Variants in TNNC2 observed in about 807,000 individuals in gnomAD.
TNNC2 encodes troponin C2, fast skeletal type.
A neutral mutation model predicts 20.0 loss-of-function variants in TNNC2; 14 were observed. That is an observed-to-expected ratio of 0.70 (90% confidence interval 0.46 to 1.09). The LOEUF (loss-of-function observed/expected upper bound fraction) is 1.09. TNNC2 is among the 50% of genes least tolerant of loss of function. TNNC2 has a pLI of 0.00. For synonymous variants in TNNC2, 81 were observed against 77.3 expected, an observed-to-expected ratio of 1.05 and a Z score of -0.25; for missense variants, 163 against 223.8, an observed-to-expected ratio of 0.73 and a Z score of 1.73.
chr20:45,833,152 A>AAGAAAGAAAGAAAGAGAGAGAG (rs765185051), intron 2 of TNNC2: 9 of 141,228 alleles, frequency 6.4e-5, no homozygotes, highest in Non-Finnish European at 1.0e-4. Context: ...TCAAAAGAGA[A>AAGAAAGAAAGAAAGAGAGAGAG]AGAAAGAAAG....
upstream of TNNC2, among the ~76,000 whole-genome samples, chr20:45,832,049 C>T (rs970122991): frequency 3.3e-5 from 5 of 152,166 alleles, no homozygotes; most frequent in African/African-American, 1.2e-4. Flanking sequence ...CAGTGGCTCA[C>T]GCCTGTAATC....
chr20:45,823,492 G>C lies in TNNC2; in HGVS notation c.452-113C>G. 1.8e-6 allele frequency: 2 copies of C among 1,091,724 alleles called. No homozygotes were observed. Among genetic ancestry groups the C allele is most frequent in the Non-Finnish European group, 2.6e-6 (2 of 763,436 alleles). 67.6% of individuals were successfully genotyped at this position (1,091,724 alleles called of 1,614,324 possible). A position where few individuals can be genotyped will look rare whatever the true frequency, so the allele number is the denominator to read the frequency against. ...TTTTGTTTTTGTTTTTGTTGAGACAGAGTCTCACTCTGTTGCCAAGGTCGC... is the reference window on the plus strand; with the variant it reads ...TTTTGTTTTTGTTTTTGTTGAGACACAGTCTCACTCTGTTGCCAAGGTCGC... On this transcript the variant is annotated intron_variant, in intron 5 of 5. Coordinates refer to ENST00000372555, the MANE Select transcript of TNNC2 (RefSeq NM_003279.3). The surrounding 1 kb of genome is among the most constrained non-coding windows in gnomAD (Gnocchi z 4.6).
upstream of TNNC2, among the ~76,000 whole-genome samples, chr20:45,831,904 AT>A: frequency 6.6e-6 from 1 of 152,348 alleles, no homozygotes; most frequent in Middle Eastern, 3.4e-3. Flanking sequence ...AGGACAAGTT[AT>A]TTTTTAACCA....
intron 1 of TNNC2, among the ~76,000 whole-genome samples, chr20:45,825,899 C>T (rs1309288950): frequency 3.3e-5 from 5 of 152,158 alleles, no homozygotes; most frequent in African/African-American, 7.2e-5. Context: ...GGATTACAGG[C>T]GTGAGCCACC....
chr20:45,826,632 C>CA (rs1982977927), intron 1 of TNNC2, among the ~76,000 whole-genome samples: 1 of 152,234 alleles, frequency 6.6e-6, no homozygotes, highest in Admixed American at 6.5e-5. Flanking sequence ...GCATGGGCAA[C>CA]AGCAGCTGGC....
upstream of TNNC2, among the ~76,000 whole-genome samples, chr20:45,830,258 C>A (rs546123724): frequency 6.7e-6 from 1 of 150,270 alleles, no homozygotes; most frequent in African/African-American, 2.5e-5. Flanking sequence ...ATCACTTGAA[C>A]CTGGCAGGCG....
chr20:45,827,887 G>T (rs1983013255), upstream of TNNC2, among the ~76,000 whole-genome samples: 1 of 152,186 alleles, frequency 6.6e-6, no homozygotes, highest in Non-Finnish European at 1.5e-5. Context: ...TTGAACCATG[G>T]TAAGGGGCAG....
In TNNC2 at chr20:45,823,679, G is replaced by T. The variant is rs1468581987; in HGVS notation, c.452-300C>A. 9.2e-5 allele frequency among the ~76,000 whole-genome samples: 14 copies of T among 151,994 alleles called. No homozygotes were observed. The highest frequency in any genetic ancestry group is 3.4e-4 in the African/African-American group (14 of 41,388). On this transcript the variant is annotated intron_variant, in intron 5 of 5. Coordinates refer to ENST00000372555, the MANE Select transcript of TNNC2 (RefSeq NM_003279.3). This position sits in a 1 kb window ranked among gnomAD's most constrained non-coding sequence, Gnocchi z 4.6. Reference sequence around the variant, plus strand: ...TTTATTTTATTTTATTTTTTGTAAAGACAGGGTCTCACTATGTTGCCCAGG... The same window carrying T: ...TTTATTTTATTTTATTTTTTGTAAATACAGGGTCTCACTATGTTGCCCAGG...
upstream of TNNC2, among the ~76,000 whole-genome samples, chr20:45,829,843 G>C (rs1285580178): frequency 6.6e-6 from 1 of 150,982 alleles, no homozygotes; most frequent in Non-Finnish European, 1.5e-5. Context: ...CTGACCTCAA[G>C]TGATCCGCCT....
chr20:45,823,319 C>G lies in TNNC2; in HGVS notation c.*29G>C. ...GAGTCTCCCACACCCTAGGGACACG[C>G]GATCTTGGTAGAGGCGACTGTCCAC... On this transcript the variant is annotated 3_prime_UTR_variant, in exon 6 of 6. Transcript: ENST00000372555. The surrounding 1 kb of genome is among the most constrained non-coding windows in gnomAD (Gnocchi z 4.6). 1 of 1,570,244 alleles carries G rather than the reference C, an allele frequency of 6.4e-7. No homozygotes were observed. The highest frequency in any genetic ancestry group is 8.6e-7 in the Non-Finnish European group (1 of 1,157,604).
chr20:45,831,708 A>G (rs1983112286), upstream of TNNC2, among the ~76,000 whole-genome samples: 1 of 152,190 alleles, frequency 6.6e-6, no homozygotes, highest in Non-Finnish European at 1.5e-5. Context: ...AGAATGCGCA[A>G]CCTTCAGATC....
chr20:45,824,755 AG>A, intron 2 of TNNC2, 27 bp downstream of exon 2: 1 of 1,272,494 alleles, frequency 7.9e-7, no homozygotes, highest in Non-Finnish European at 1.0e-6. Flanking sequence ...ACATCCACCC[AG>A]CCCCCAGCCT....
upstream of TNNC2, among the ~76,000 whole-genome samples, chr20:45,831,439 T>C (rs1983104371): frequency 6.6e-6 from 1 of 151,996 alleles, no homozygotes; most frequent in African/African-American, 2.4e-5. Context: ...TAGCCGGGTG[T>C]GGTGGCACAT....
upstream of TNNC2, among the ~76,000 whole-genome samples, chr20:45,829,657 G>A (rs1306028916): frequency 6.6e-6 from 1 of 151,780 alleles, no homozygotes; most frequent in African/African-American, 2.4e-5. Context: ...GTGGGCGCCT[G>A]TAGTCCCAGC....
chr20:45,826,005 A>ACCCCCC (rs111300154), intron 1 of TNNC2, among the ~76,000 whole-genome samples: 23 of 144,000 alleles, frequency 1.6e-4, no homozygotes, highest in African/African-American at 4.0e-4. Flanking sequence ...CAAGTCGGGA[A>ACCCCCC]CCCCCCCCAC....
upstream of TNNC2, among the ~76,000 whole-genome samples, chr20:45,828,689 T>G (rs1983034198): frequency 6.6e-6 from 1 of 151,824 alleles, no homozygotes. Context: ...ATCCACAAGG[T>G]GCAGGCTGGG....
intron 2 of TNNC2, among the ~76,000 whole-genome samples, chr20:45,832,900 G>C (rs1983159779): frequency 6.6e-6 from 1 of 152,242 alleles, no homozygotes; most frequent in South Asian, 2.1e-4. Context: ...AAACCTCTGA[G>C]GGAGGCAGAG....
In TNNC2 at chr20:45,827,214, A is replaced by T. The variant is rs1293319781; in HGVS notation, c.3+32T>A. Reference sequence around the variant, plus strand: ...GAAAGGGGTCCAGAGTGCTCCCGTGAGTAAAGGCACAAAGTCCCCTCTTGT... The same window carrying T: ...GAAAGGGGTCCAGAGTGCTCCCGTGTGTAAAGGCACAAAGTCCCCTCTTGT... On this transcript the variant is annotated intron_variant, in intron 1 of 5. Transcript: ENST00000372555. 1.9e-6 allele frequency: 3 copies of T among 1,614,002 alleles called. No homozygotes were observed. The Admixed American group carries it at 5.0e-5, about 27-fold the overall frequency.
chr20:45,824,703 C>CA (rs1235794140), intron 2 of TNNC2, 65 bp from the exon 3 acceptor site: 47 of 1,579,198 alleles, frequency 3.0e-5, no homozygotes, highest in South Asian at 1.9e-4. Context: ...CCTACCCCCC[C>CA]CCAACCCCCA....
Sources: gnomAD v4.1 joint callset for allele counts (sites outside exome capture counted in the v4.1 genomes callset) on GRCh38, gnomAD v4.1.1 for gene constraint, Gnocchi (gnomAD v3.1) non-coding constraint, MANE v1.5 for transcripts, NCBI Gene and HGNC (gene_info 2026-07-23, HGNC 2026-07-21) for gene names.